The following EFHD1 variants were observed in gnomAD, a reference collection of about 807,000 sequenced individuals.
The protein encoded by EFHD1 is EF-hand domain family member D1.
EFHD1 carries 10 observed loss-of-function variants against 17.2 expected under a neutral mutation model. The observed-to-expected ratio is 0.58, with a 90% CI of 0.36 to 0.99. The LOEUF (loss-of-function observed/expected upper bound fraction) is 0.99. Among genes scored for constraint, EFHD1 ranks in the 50% least tolerant of loss-of-function variants. The pLI is 0.01. For synonymous variants in EFHD1, 153 were observed against 142.0 expected (o/e 1.08, Z -0.55); for missense variants, 310 against 327.5 (o/e 0.95, Z 0.41).
At chr2:232,678,600 C>A (rs936535715) in intron 3 of EFHD1, among the ~76,000 whole-genome samples, 1 of 152,074 alleles carries the variant, frequency 6.6e-6, no homozygotes, top group Admixed American at 6.6e-5. Flanking sequence ...GCCTGACCAA[C>A]ATGGAGAAAC....
intron 1 of EFHD1, among the ~76,000 whole-genome samples, chr2:232,616,988 G>A (rs1192373973): frequency 6.6e-6 from 1 of 152,222 alleles, no homozygotes; most frequent in Non-Finnish European, 1.5e-5. Flanking sequence ...GGCGACCCTA[G>A]TGAGTAGGGC....
At chr2:232,663,396 C>G (rs1005276785) in intron 2 of EFHD1, among the ~76,000 whole-genome samples, 2 of 151,978 alleles carry the variant, frequency 1.3e-5, no homozygotes, top group African/African-American at 4.8e-5. Flanking sequence ...TTTTTTGAGA[C>G]AGTCTCACTC....
intron 1 of EFHD1, among the ~76,000 whole-genome samples, chr2:232,641,749 C>T (rs764733402): frequency 2.0e-5 from 3 of 152,254 alleles, no homozygotes; most frequent in Non-Finnish European, 4.4e-5. Context: ...ATCTTGAATC[C>T]AGAGCCTGAT....
intron 1 of EFHD1, chr2:232,606,784 G>A (rs1693721179): frequency 6.6e-6 from 1 of 152,214 alleles, no homozygotes; most frequent in South Asian, 2.1e-4. Context: ...CAGCTACTGG[G>A]GAGGCTGAGG....
intron 1 of EFHD1, among the ~76,000 whole-genome samples, chr2:232,643,791 C>T (rs1333566506): frequency 2.0e-5 from 3 of 152,214 alleles, no homozygotes; most frequent in African/African-American, 7.2e-5. Context: ...TCAAGTGACC[C>T]CCCTGCCTCA....
intron 1 of EFHD1, among the ~76,000 whole-genome samples, chr2:232,647,675 C>T (rs1277648569): frequency 3.3e-5 from 4 of 119,682 alleles, no homozygotes; most frequent in Non-Finnish European, 6.9e-5. Flanking sequence ...TTGCTCTTGT[C>T]GCCCAGGCTG....
chr2:232,633,686 C>A lies in EFHD1; in HGVS notation c.-19C>A, dbSNP rs1374047103. 1.4e-6 allele frequency: 2 copies of A among 1,415,494 alleles called. No homozygotes were observed. The highest frequency in any genetic ancestry group is 1.5e-5 in the South Asian group (1 of 66,900). The allele number at this position is 1,415,494 out of a possible 1,614,324, so 87.7% of individuals were successfully genotyped here. A position where few individuals can be genotyped will look rare whatever the true frequency, so the allele number is the denominator to read the frequency against. ...CCCGTCCCGCGTCCCCGCGTTCCCG[C>A]GTCCTGCGATCCGCCGCCATGGCCA... On this transcript the variant is annotated 5_prime_UTR_variant, in exon 1 of 4. Transcript: ENST00000264059.
intron 1 of EFHD1, among the ~76,000 whole-genome samples, chr2:232,647,182 A>AAGT (rs1694547214): frequency 5.9e-5 from 9 of 152,246 alleles, no homozygotes; most frequent in Admixed American, 5.9e-4. Flanking sequence ...GTTCCAGCCC[A>AAGT]GTGTTCTTTC....
chr2:232,642,750 G>C (rs1175695977), intron 1 of EFHD1, among the ~76,000 whole-genome samples: 1 of 151,700 alleles, frequency 6.6e-6, no homozygotes, highest in Non-Finnish European at 1.5e-5. Context: ...AGGGTCACCT[G>C]CAGCTGTTCC....
chr2:232,681,338 C>T (rs1695278481), intron 3 of EFHD1, among the ~76,000 whole-genome samples: 1 of 152,030 alleles, frequency 6.6e-6, no homozygotes, highest in Non-Finnish European at 1.5e-5. Context: ...AATGACCAAC[C>T]CCAGCAAAAG....
At chr2:232,638,399 T>A (rs1467116728) in intron 1 of EFHD1, 1 of 471,162 alleles carries the variant, frequency 2.1e-6, no homozygotes, top group Admixed American at 2.3e-5. Context: ...GTTGTCTTTT[T>A]CTTAAGAATC....
chr2:232,672,440 CA>C lies in EFHD1; in HGVS notation c.584del (p.Lys195ArgfsTer15). 6.3e-7 allele frequency: 1 copy of C among 1,597,716 alleles called. No individual in the cohort carries two copies. Among genetic ancestry groups the C allele is most frequent in the Non-Finnish European group, 8.5e-7 (1 of 1,172,472 alleles). Reference sequence around the variant, plus strand: ...AAGGTGCCAAGAACTTCTTTGAAGCCAAGGTAGGTGCTTAGTTCCTTCTGTG... The same window carrying C: ...AAGGTGCCAAGAACTTCTTTGAAGCCAGGTAGGTGCTTAGTTCCTTCTGTG... ...VKGAKNFFEAKVQALSSASKF... is the reference protein window; with the variant it reads ...VKGAKNFFEAXVQALSSASKF... On this transcript the variant is annotated frameshift_variant and splice_region_variant, in exon 3 of 4. Transcript: ENST00000264059. LOFTEE classifies it high-confidence loss of function.
intron 1 of EFHD1, among the ~76,000 whole-genome samples, chr2:232,660,402 G>A (rs375204277): frequency 8.6e-5 from 13 of 151,896 alleles, no homozygotes; most frequent in East Asian, 7.9e-4. Flanking sequence ...CACCGTGTTA[G>A]CCAGGATGGT....
chr2:232,609,389 G>A (rs754098454), intron 1 of EFHD1, among the ~76,000 whole-genome samples: 1 of 152,172 alleles, frequency 6.6e-6, no homozygotes, highest in African/African-American at 2.4e-5. Flanking sequence ...AAGTGAAAAT[G>A]AAGTGTTTGC....
chr2:232,614,449 A>C (rs931771388), intron 1 of EFHD1, among the ~76,000 whole-genome samples: 6 of 152,152 alleles, frequency 3.9e-5, no homozygotes, highest in Non-Finnish European at 7.4e-5. Flanking sequence ...ATCCACTTCC[A>C]CTTAATGAAT....
chr2:232,607,763 G>A (rs528214889), intron 1 of EFHD1, among the ~76,000 whole-genome samples: 1 of 148,748 alleles, frequency 6.7e-6, no homozygotes, highest in East Asian at 2.0e-4. Flanking sequence ...CAAAAAAAAA[G>A]GAAAGAAAAT....
chr2:232,654,655 T>G (rs1214321541), intron 1 of EFHD1, among the ~76,000 whole-genome samples: 3 of 152,120 alleles, frequency 2.0e-5, no homozygotes, highest in African/African-American at 7.2e-5. Flanking sequence ...CTTGAGCTCC[T>G]GACCTCAGTT....
chr2:232,632,253 T>G (rs1405359627), upstream of EFHD1, among the ~76,000 whole-genome samples: 7 of 152,210 alleles, frequency 4.6e-5, 1 homozygote, highest in African/African-American at 1.7e-4. Flanking sequence ...TGTTAAAGAT[T>G]TTTATACTTT....
chr2:232,612,239 C>T (rs747413178), intron 1 of EFHD1, among the ~76,000 whole-genome samples: 6 of 152,198 alleles, frequency 3.9e-5, no homozygotes, highest in Non-Finnish European at 7.3e-5. Context: ...CATCCCCACA[C>T]TGAATTTCTC....
Sources: gnomAD v4.1 joint callset for allele counts (sites outside exome capture counted in the v4.1 genomes callset) on GRCh38, gnomAD v4.1.1 for gene constraint, MANE v1.5 for transcripts, NCBI Gene and HGNC (gene_info 2026-07-23, HGNC 2026-07-21) for gene names.